Variants in CAP2 observed in about 807,000 individuals in gnomAD.
The protein encoded by CAP2 is cyclase associated actin cytoskeleton regulatory protein 2, also known as adenylyl cyclase-associated protein 2.
In CAP2, 24 loss-of-function variants were observed where a neutral mutation model predicts 57.7. That is an observed-to-expected ratio of 0.42 (90% CI 0.30 to 0.58). The LOEUF is 0.58. Among genes scored for constraint, CAP2 ranks in the 20% least tolerant of loss-of-function variants. The probability of loss-of-function intolerance (pLI) is 0.22; values close to 1 mark genes in which losing one functional copy is unlikely to be tolerated. For missense variants in CAP2, 501 were observed against 590.3 expected (o/e 0.85, Z 1.57); for synonymous variants, 194 against 207.2 (o/e 0.94, Z 0.55).
intron 1 of CAP2, among the ~76,000 whole-genome samples, 193 bp downstream of exon 1, chr6:17,393,939 C>T (rs1387773142): frequency 1.4e-5 from 2 of 145,986 alleles, no homozygotes; most frequent in African/African-American, 4.9e-5. Flanking sequence ...CGCGGCGACC[C>T]GGGCGCGGGG....
intron 1 of CAP2, among the ~76,000 whole-genome samples, chr6:17,415,729 A>G (rs1477370527): frequency 1.3e-5 from 2 of 152,220 alleles, no homozygotes; most frequent in African/African-American, 4.8e-5. Flanking sequence ...GACAGGAAAG[A>G]AAGCACAAGG....
intron 3 of CAP2, among the ~76,000 whole-genome samples, chr6:17,458,703 G>T (rs1025369512): frequency 3.9e-5 from 6 of 152,090 alleles, no homozygotes; most frequent in Admixed American, 6.6e-5. Context: ...AATGTATTAA[G>T]CTAGTTCTTG....
At chr6:17,465,568 C>T (rs1760841460) in intron 4 of CAP2, among the ~76,000 whole-genome samples, 1 of 152,170 alleles carries the variant, frequency 6.6e-6, no homozygotes, top group Admixed American at 6.5e-5. Context: ...ACTACTTCCA[C>T]CTGACAGAAA....
intron 3 of CAP2, among the ~76,000 whole-genome samples, chr6:17,453,904 T>C (rs747957910): frequency 1.4e-5 from 2 of 140,250 alleles, no homozygotes; most frequent in Admixed American, 7.0e-5. Flanking sequence ...TTTTATTCTT[T>C]TTTTTTTTTT....
intron 7 of CAP2, among the ~76,000 whole-genome samples, chr6:17,517,683 C>T (rs1762301506): frequency 6.6e-6 from 1 of 152,014 alleles, no homozygotes; most frequent in Non-Finnish European, 1.5e-5. Flanking sequence ...GGTGGATCAC[C>T]TGTGGTCAGG....
In CAP2 at chr6:17,489,687, G is replaced by A. The variant is rs150003432; in HGVS notation, c.301-17482G>A. ...TTGGATTAGCTTCTTGAAATGTGTTGCCTTGCCCCTTACTACCTAGGGTTT... is the reference window on the plus strand; with the variant it reads ...TTGGATTAGCTTCTTGAAATGTGTTACCTTGCCCCTTACTACCTAGGGTTT... On this transcript the variant is annotated intron_variant, in intron 4 of 12. Transcript: ENST00000229922. Among the ~76,000 whole-genome samples the A allele has an allele frequency of 1.2e-4, 19 of 152,050 alleles. No homozygotes were observed. In the East Asian group the frequency reaches 3.7e-3, roughly 30 times the overall value.
At chr6:17,402,358 C>CA (rs199942504) in intron 1 of CAP2, among the ~76,000 whole-genome samples, 2 of 151,780 alleles carry the variant, frequency 1.3e-5, no homozygotes, top group East Asian at 3.9e-4. Flanking sequence ...ATGGGGAGGA[C>CA]AAAAAAGGGG....
chr6:17,539,689 G>A (rs1249087379), intron 8 of CAP2, among the ~76,000 whole-genome samples: 1 of 152,088 alleles, frequency 6.6e-6, no homozygotes, highest in Non-Finnish European at 1.5e-5. Flanking sequence ...AGAGACTCTG[G>A]GTTCTAAATG....
intron 3 of CAP2, among the ~76,000 whole-genome samples, chr6:17,457,837 C>T (rs1428036782): frequency 6.6e-6 from 1 of 152,218 alleles, no homozygotes; most frequent in East Asian, 1.9e-4. Flanking sequence ...TGATCATGCT[C>T]ATCTTGGGAT....
intron 5 of CAP2, 93 bp from the exon 6 acceptor site, chr6:17,507,548 C>T (rs758752587): frequency 2.0e-5 from 17 of 860,220 alleles, no homozygotes; most frequent in East Asian, 1.2e-4. Context: ...CAAGTCCACG[C>T]GTCTCCATTG....
rs1759599079 is a variant in CAP2, at chr6:17,426,654, G to T, written c.186G>T (p.Lys62Asn). 1 of 1,614,012 alleles carries T rather than the reference G, an allele frequency of 6.2e-7. No homozygotes were observed. Among genetic ancestry groups the T allele is most frequent in the African/African-American group, 1.3e-5 (1 of 75,038 alleles). Residue 62 changes from lysine to asparagine, a missense_variant, in exon 3 of 13, where the codon AAG becomes AAT. Coordinates refer to ENST00000229922, the MANE Select transcript of CAP2 (RefSeq NM_006366.3). ...ACAGTATGGTGGCCGAGTTTTTAAA[G>T]AACAGTAGGATCCTTGCTGGGGACG... ...LMDSMVAEFL[K>N]NSRILAGDVE...
intron 3 of CAP2, among the ~76,000 whole-genome samples, chr6:17,451,036 A>G (rs544915402): frequency 1.3e-5 from 2 of 152,180 alleles, no homozygotes; most frequent in African/African-American, 4.8e-5. Flanking sequence ...TCCTCCCATC[A>G]GACTGTAAAT....
At chr6:17,431,074 T>A (rs919689274) in intron 3 of CAP2, among the ~76,000 whole-genome samples, 1 of 152,184 alleles carries the variant, frequency 6.6e-6, no homozygotes. Flanking sequence ...TACCACATGC[T>A]CTCACTAATA....
At position 17,556,475 on chromosome 6, in the gene CAP2, C is replaced by G; in HGVS notation, c.*33C>G. ...AGAGACCGAACCCCCTCACCTGAAT[C>G]CCCCTCTATCAAACAAACAAAAAAG... On this transcript the variant is annotated 3_prime_UTR_variant, in exon 13 of 13. Coordinates refer to ENST00000229922, the MANE Select transcript of CAP2 (RefSeq NM_006366.3). The G allele has an allele frequency of 2.1e-6, 3 of 1,428,556 alleles. No individual in the cohort carries two copies. Among genetic ancestry groups the G allele is most frequent in the Non-Finnish European group, 3.0e-6 (3 of 1,010,638 alleles). 88.5% of individuals were successfully genotyped at this position (1,428,556 alleles called of 1,614,324 possible). A position where few individuals can be genotyped will look rare whatever the true frequency, so the allele number is the denominator to read the frequency against.
intron 3 of CAP2, among the ~76,000 whole-genome samples, chr6:17,452,306 G>A (rs1488100662): frequency 6.6e-6 from 1 of 152,214 alleles, no homozygotes; most frequent in Non-Finnish European, 1.5e-5. Context: ...GTTAGACTGT[G>A]TTACTGACAA....
chr6:17,395,279 A>G (rs1758638949), intron 1 of CAP2, among the ~76,000 whole-genome samples: 1 of 152,152 alleles, frequency 6.6e-6, no homozygotes, highest in Non-Finnish European at 1.5e-5. Flanking sequence ...CTTAGCAACT[A>G]CTCAGTTCCA....
chr6:17,430,261 G>A (rs1759693219), intron 3 of CAP2, among the ~76,000 whole-genome samples: 1 of 152,192 alleles, frequency 6.6e-6, no homozygotes, highest in Non-Finnish European at 1.5e-5. Flanking sequence ...AACAGGTTTA[G>A]AAAAGATTAG....
rs547713089 is a variant in CAP2, at chr6:17,426,524, C to T, written c.122-66C>T. ...TGCTAGGATTACAGGTGTGAGCCAC[C>T]GTGCCCGGCTAGTCCCAGGTTTTCA... On this transcript the variant is annotated intron_variant, in intron 2 of 12. Transcript: ENST00000229922. 232 of 1,176,058 alleles carry T rather than the reference C, an allele frequency of 2.0e-4. 4 individuals carry two copies. The South Asian group carries it at 2.6e-3, about 13-fold the overall frequency. 72.9% of individuals were successfully genotyped at this position (1,176,058 alleles called of 1,614,324 possible).
Position 17,408,911 on chromosome 6 carries a change from C to T in CAP2, c.-1-12644C>T, listed in dbSNP as rs574988627. 4.2e-4 allele frequency among the ~76,000 whole-genome samples: 64 copies of T among 151,360 alleles called. 1 individual carries two copies. Among genetic ancestry groups the T allele is most frequent in the Admixed American group, 7.2e-4 (11 of 15,254 alleles). On this transcript the variant is annotated intron_variant, in intron 1 of 12. Transcript: ENST00000229922. ...GTCTTGATCTCCTGACCTTGTGATC[C>T]GCCAGCCTCGGCCTCCCCAAGTGCT...
Sources: gnomAD v4.1 joint callset for allele counts (sites outside exome capture counted in the v4.1 genomes callset) on GRCh38, gnomAD v4.1.1 for gene constraint, MANE v1.5 for transcripts, NCBI Gene and HGNC (gene_info 2026-07-23, HGNC 2026-07-21) for gene names.